The following CHCHD6 variants were observed in gnomAD, a reference collection of about 807,000 sequenced individuals.
CHCHD6 encodes MICOS complex subunit MIC25.
A neutral mutation model predicts 32.3 loss-of-function variants in CHCHD6; 28 were observed. The ratio of observed to expected loss-of-function variants is 0.87; its 90% CI spans 0.64 to 1.19. CHCHD6 has a LOEUF of 1.19. Among genes scored for constraint, CHCHD6 ranks in the 50% most tolerant of loss-of-function variants. CHCHD6 has a pLI of 0.00. For synonymous variants in CHCHD6, 122 were observed against 117.5 expected, an observed-to-expected ratio of 1.04 and a Z score of -0.25; for missense variants, 333 against 307.0, an observed-to-expected ratio of 1.08 and a Z score of -0.63.
In CHCHD6 at chr3:126,864,784, A is replaced by G. The variant is rs568690541; in HGVS notation, c.495+12054A>G. Among the ~76,000 whole-genome samples, 403 of 126,042 alleles carry G rather than the reference A, an allele frequency of 3.2e-3. 4 individuals are homozygous for G. The highest frequency in any genetic ancestry group is 0.013 in the African/African-American group (376 of 29,280). The allele number at this position is 126,042 out of a possible 152,430, so 82.7% of individuals were successfully genotyped here. A position where few individuals can be genotyped will look rare whatever the true frequency, so the allele number is the denominator to read the frequency against. On this transcript the variant is annotated intron_variant, in intron 5 of 7. Coordinates refer to ENST00000290913, the MANE Select transcript of CHCHD6 (RefSeq NM_032343.3). The stretch of plus-strand genomic sequence containing the variant: ...CTCCACCATCACCTCCTCCTCCACC[A>G]TCACCTCCTCCTCCACCGTCACCTC...
chr3:126,960,110 G>A (rs536335239), intron 7 of CHCHD6, 86 bp from the exon 8 acceptor site: 25 of 1,492,818 alleles, frequency 1.7e-5, no homozygotes, highest in Middle Eastern at 1.7e-4. Flanking sequence ...CCTGGGAAGC[G>A]GTTGCTGTCA....
intron 4 of CHCHD6, among the ~76,000 whole-genome samples, chr3:126,791,905 T>C (rs116408594): frequency 0.028 from 4,310 of 152,338 alleles, 91 homozygotes; most frequent in African/African-American, 0.06. Flanking sequence ...GCCACCATGC[T>C]GGCCTCTACT....
intron 1 of CHCHD6, among the ~76,000 whole-genome samples, chr3:126,705,319 G>A (rs1255930238): frequency 6.6e-6 from 1 of 152,156 alleles, no homozygotes; most frequent in Non-Finnish European, 1.5e-5. Context: ...GCTTTTTGAG[G>A]CTAAGGTTCC....
intron 5 of CHCHD6, among the ~76,000 whole-genome samples, chr3:126,890,199 C>T (rs1457595591): frequency 2.0e-5 from 3 of 152,162 alleles, no homozygotes; most frequent in Non-Finnish European, 2.9e-5. Context: ...TAGGTGAAGC[C>T]GGGAGTTGTC....
chr3:126,829,826 G>A (rs114103426), intron 4 of CHCHD6, among the ~76,000 whole-genome samples: 2,776 of 152,158 alleles, frequency 0.018, 33 homozygotes, highest in Middle Eastern at 0.054. Context: ...GGCTGGGTGC[G>A]GTGGCTCACA....
intron 6 of CHCHD6, among the ~76,000 whole-genome samples, chr3:126,917,538 G>A (rs1439714704): frequency 6.6e-6 from 1 of 152,062 alleles, no homozygotes; most frequent in Non-Finnish European, 1.5e-5. Flanking sequence ...AAACAAACAG[G>A]ACACACTCTT....
intron 5 of CHCHD6, among the ~76,000 whole-genome samples, chr3:126,882,453 C>T: frequency 6.6e-6 from 1 of 152,188 alleles, no homozygotes; most frequent in South Asian, 2.1e-4. Context: ...GCAGAGGTTC[C>T]TCTGATGTGA....
chr3:126,919,689 C>A lies in CHCHD6; in HGVS notation c.566+4939C>A, dbSNP rs556668173. Among the ~76,000 whole-genome samples, 18 of 144,572 alleles carry A rather than the reference C, an allele frequency of 1.2e-4. No individual in the cohort carries two copies. The Admixed American group carries it at 1.3e-3, about 10-fold the overall frequency. 94.8% of individuals were successfully genotyped at this position (144,572 alleles called of 152,430 possible). A position where few individuals can be genotyped will look rare whatever the true frequency, so the allele number is the denominator to read the frequency against. On this transcript the variant is annotated intron_variant, in intron 6 of 7. Transcript: ENST00000290913. Reference sequence around the variant, plus strand: ...TTTATTTTTAATTGTATGTAAATACCTTTTTCACCTTCATTTTGAAAAATA... The same window carrying A: ...TTTATTTTTAATTGTATGTAAATACATTTTTCACCTTCATTTTGAAAAATA...
At chr3:126,856,483 G>A (rs1941671065) in intron 5 of CHCHD6, among the ~76,000 whole-genome samples, 1 of 152,240 alleles carries the variant, frequency 6.6e-6, no homozygotes, top group South Asian at 2.1e-4. Flanking sequence ...GTGCTGGCTT[G>A]AGTCATGGCC....
chr3:126,912,239 C>T (rs2078101016), intron 5 of CHCHD6, among the ~76,000 whole-genome samples: 1 of 152,240 alleles, frequency 6.6e-6, no homozygotes, highest in South Asian at 2.1e-4. Context: ...GAACTTCAGA[C>T]AGCTAAGCAG....
At chr3:126,784,648 C>G (rs1488232636) in intron 4 of CHCHD6, among the ~76,000 whole-genome samples, 4 of 152,176 alleles carry the variant, frequency 2.6e-5, no homozygotes, top group African/African-American at 4.8e-5. Context: ...ACTTTTCACA[C>G]CTTTCCCTGT....
chr3:126,788,631 C>A (rs546331663), intron 4 of CHCHD6, among the ~76,000 whole-genome samples: 52 of 152,064 alleles, frequency 3.4e-4, no homozygotes, highest in Admixed American at 9.8e-4. Context: ...TTATAGTATT[C>A]TCTGATGGTA....
At chr3:126,942,324 T>C (rs2078572554) in intron 6 of CHCHD6, among the ~76,000 whole-genome samples, 3 of 152,220 alleles carry the variant, frequency 2.0e-5, no homozygotes, top group African/African-American at 2.4e-5. Flanking sequence ...TCCAGTGTTA[T>C]GCCAGTATCC....
chr3:126,864,677 TCTCCTC>T (rs1289972666), intron 5 of CHCHD6, among the ~76,000 whole-genome samples: 1 of 109,164 alleles, frequency 9.2e-6, no homozygotes. Flanking sequence ...TCCACCATCA[TCTCCTC>T]CTCCTCCTCC....
chr3:126,947,362 C>T (rs2078654478), intron 6 of CHCHD6, among the ~76,000 whole-genome samples: 1 of 152,276 alleles, frequency 6.6e-6, no homozygotes, highest in South Asian at 2.1e-4. Context: ...AGTTGGCAAG[C>T]TTCTGCCCCA....
At chr3:126,768,964 A>G (rs1250659909) in intron 4 of CHCHD6, among the ~76,000 whole-genome samples, 1 of 152,192 alleles carries the variant, frequency 6.6e-6, no homozygotes, top group Non-Finnish European at 1.5e-5. Flanking sequence ...TAGCTTGCAA[A>G]TATTTTCTCC....
At chr3:126,866,814 C>T (rs1028186501) in intron 5 of CHCHD6, among the ~76,000 whole-genome samples, 1 of 152,184 alleles carries the variant, frequency 6.6e-6, no homozygotes, top group South Asian at 2.1e-4. Flanking sequence ...ATGAAGTTTC[C>T]CCCTACGTAC....
chr3:126,716,757 T>A (rs1052579624), intron 1 of CHCHD6, among the ~76,000 whole-genome samples: 2 of 150,050 alleles, frequency 1.3e-5, no homozygotes, highest in African/African-American at 5.0e-5. Context: ...CCGGAGGTCA[T>A]AAGTGCTGCA....
chr3:126,829,050 CTT>C (rs1940525691), intron 4 of CHCHD6, among the ~76,000 whole-genome samples: 2 of 152,104 alleles, frequency 1.3e-5, no homozygotes, highest in African/African-American at 4.8e-5. Context: ...TTTCCTAAAC[CTT>C]CTTAAAGTGA....
Sources: gnomAD v4.1 joint callset for allele counts (sites outside exome capture counted in the v4.1 genomes callset) on GRCh38, gnomAD v4.1.1 for gene constraint, MANE v1.5 for transcripts, NCBI Gene and HGNC (gene_info 2026-07-23, HGNC 2026-07-21) for gene names.